Variants in GALNT13 observed in about 807,000 individuals in gnomAD.
GALNT13 encodes polypeptide N-acetylgalactosaminyltransferase 13, also known as UDP-GalNAc:polypeptide N-acetylgalactosaminyltransferase 13.
In GALNT13, 28 loss-of-function variants were observed where a neutral mutation model predicts 64.2. That is an observed-to-expected ratio of 0.44 (90% CI 0.32 to 0.60). The LOEUF is 0.60. Ranked by LOEUF, GALNT13 falls within the 20% of genes least tolerant of loss-of-function variation. The probability of loss-of-function intolerance (pLI) is 0.05; values close to 1 mark genes in which losing one functional copy is unlikely to be tolerated. For missense variants in GALNT13, 577 were observed against 669.8 expected (o/e 0.86, Z 1.53); for synonymous variants, 214 against 224.6 (o/e 0.95, Z 0.42).
chr2:153,617,075 T>C, the GALNT13 span, among the ~76,000 whole-genome samples: 431 of 152,018 alleles, frequency 2.8e-3, 9 homozygotes, highest in Admixed American at 0.023. Context: ...TTTTCTGATT[T>C]CTGTAGCTAG....
At chr2:153,269,723 G>A in the GALNT13 span, among the ~76,000 whole-genome samples, 1 of 47,296 alleles carries the variant, frequency 2.1e-5, no homozygotes, top group Non-Finnish European at 5.2e-5. Flanking sequence ...AACAAAAGGA[G>A]TTTAATTGAC....
At chr2:153,967,763 G>A (rs1270867358) in intron 3 of GALNT13, among the ~76,000 whole-genome samples, 3 of 151,962 alleles carry the variant, frequency 2.0e-5, no homozygotes, top group Non-Finnish European at 2.9e-5. Context: ...TGTCTGCCCC[G>A]GATATTTTTG....
chr2:153,413,613 A>G, the GALNT13 span, among the ~76,000 whole-genome samples: 5 of 152,160 alleles, frequency 3.3e-5, no homozygotes, highest in African/African-American at 1.2e-4. Context: ...CCGTTGTTCT[A>G]TTGAGTCCAT....
the GALNT13 span, among the ~76,000 whole-genome samples, chr2:153,408,646 T>G: frequency 6.6e-6 from 1 of 151,608 alleles, no homozygotes; most frequent in Admixed American, 6.6e-5. Flanking sequence ...GTTGTTGTTG[T>G]TTTTTGTTTT....
intron 3 of GALNT13, among the ~76,000 whole-genome samples, chr2:154,004,340 G>A (rs914887284): frequency 6.6e-6 from 1 of 151,952 alleles, no homozygotes; most frequent in African/African-American, 2.4e-5. Flanking sequence ...CAAGTAGCTG[G>A]GACTACAGGC....
the GALNT13 span, among the ~76,000 whole-genome samples, chr2:153,343,547 A>C: frequency 6.7e-6 from 1 of 148,304 alleles, no homozygotes; most frequent in African/African-American, 2.4e-5. Context: ...CTTAGAAAAT[A>C]GATAAAATAA....
the GALNT13 span, among the ~76,000 whole-genome samples, chr2:153,630,161 G>A: frequency 1.3e-5 from 2 of 151,712 alleles, no homozygotes; most frequent in African/African-American, 4.8e-5. Context: ...TATACCCAAA[G>A]GATTATAAGT....
intron 3 of GALNT13, among the ~76,000 whole-genome samples, chr2:154,121,479 T>C (rs1476756977): frequency 1.3e-5 from 2 of 152,144 alleles, no homozygotes; most frequent in Non-Finnish European, 2.9e-5. Context: ...TTTATTTGGA[T>C]GTTTGATTTG....
intron 3 of GALNT13, among the ~76,000 whole-genome samples, chr2:154,109,727 A>C (rs1702827189): frequency 6.6e-6 from 1 of 152,174 alleles, no homozygotes; most frequent in South Asian, 2.1e-4. Flanking sequence ...ACATTTAATG[A>C]AATAATCATA....
At chr2:154,449,476 T>C (rs889943042) in intron 12 of GALNT13, among the ~76,000 whole-genome samples, 1 of 128,528 alleles carries the variant, frequency 7.8e-6, no homozygotes, top group Admixed American at 7.6e-5. Flanking sequence ...ATTTTGGTAA[T>C]TTGCAAAAAA....
the GALNT13 span, among the ~76,000 whole-genome samples, chr2:153,803,632 CAGTGAGCGGAG>C: frequency 7.1e-6 from 1 of 141,810 alleles, no homozygotes; most frequent in Admixed American, 7.6e-5. Flanking sequence ...GCGGAGCTTG[CAGTGAGCGGAG>C]ATAGCGCCAC....
At chr2:153,081,779 A>C in the GALNT13 span, among the ~76,000 whole-genome samples, 1 of 152,136 alleles carries the variant, frequency 6.6e-6, no homozygotes, top group Admixed American at 6.6e-5. Flanking sequence ...GTTGATAGAC[A>C]CTTAGGTTGC....
At chr2:154,150,607 G>A (rs368661660) in intron 4 of GALNT13, among the ~76,000 whole-genome samples, 2 of 151,984 alleles carry the variant, frequency 1.3e-5, no homozygotes, top group African/African-American at 2.4e-5. Context: ...CAATTTCAGA[G>A]CCTGTTATTG....
At chr2:153,256,732 C>A in the GALNT13 span, among the ~76,000 whole-genome samples, 403 of 152,232 alleles carry the variant, frequency 2.6e-3, 3 homozygotes, top group African/African-American at 9.4e-3. Context: ...CAGTCTGCCC[C>A]TGCTGGGGGG....
At chr2:153,318,311 A>G in the GALNT13 span, among the ~76,000 whole-genome samples, 1 of 152,156 alleles carries the variant, frequency 6.6e-6, no homozygotes, top group East Asian at 1.9e-4. Context: ...GACATGTGGA[A>G]CAGATCTAAG....
rs75903267 is a variant in GALNT13 at position 154,316,573 on chromosome 2, G to T, written c.1156+14984G>T. ...TACCCGAGAGTGGGTAAATTATAAA[G>T]AAATGAAGTTTATTTAGCTCAGGGT... On this transcript the variant is annotated intron_variant, in intron 9 of 12. Transcript: ENST00000392825. Among the ~76,000 whole-genome samples the T allele has an allele frequency of 1.2e-3, 180 of 152,204 alleles. No individual in the cohort carries two copies. The East Asian group carries it at 0.016, about 13-fold the overall frequency.
At chr2:154,056,865 G>T (rs1208659822) in intron 3 of GALNT13, among the ~76,000 whole-genome samples, 1 of 151,736 alleles carries the variant, frequency 6.6e-6, no homozygotes, top group African/African-American at 2.4e-5. Flanking sequence ...TAGAAAAATT[G>T]AAGAATAATA....
At chr2:153,582,015 C>T in the GALNT13 span, among the ~76,000 whole-genome samples, 2 of 152,216 alleles carry the variant, frequency 1.3e-5, no homozygotes, top group South Asian at 4.1e-4. Context: ...ACTTATAAGG[C>T]AAAGCAGAGA....
chr2:153,251,503 G>C, the GALNT13 span, among the ~76,000 whole-genome samples: 1 of 151,836 alleles, frequency 6.6e-6, no homozygotes, highest in African/African-American at 2.4e-5. Context: ...AAGTTTTAGA[G>C]TACATGTGCA....
Sources: gnomAD v4.1 joint callset for allele counts (sites outside exome capture counted in the v4.1 genomes callset) on GRCh38, gnomAD v4.1.1 for gene constraint, MANE v1.5 for transcripts, NCBI Gene and HGNC (gene_info 2026-07-23, HGNC 2026-07-21) for gene names.